VIT: variants seen among roughly 807,000 people sequenced by gnomAD.
VIT encodes vitrin.
Under a neutral mutation model 78.0 loss-of-function variants are expected in VIT, and 99 were observed. That is an observed-to-expected ratio of 1.27 (90% CI 1.08 to 1.50). VIT has a LOEUF of 1.50. Ranked by LOEUF, VIT falls within the 40% of genes most tolerant of loss-of-function variation. VIT has a pLI of 0.00. For missense variants in VIT, 1,126 were observed against 875.3 expected, an observed-to-expected ratio of 1.29 and a Z score of -3.61; for synonymous variants, 374 against 334.3, an observed-to-expected ratio of 1.12 and a Z score of -1.29.
At chr2:36,813,708 C>A (rs1030504289) in intron 15 of VIT, among the ~76,000 whole-genome samples, 9 of 152,120 alleles carry the variant, frequency 5.9e-5, no homozygotes, top group African/African-American at 2.2e-4. Flanking sequence ...TTTAAAAGAT[C>A]TTGAACCAGC....
chr2:36,785,571 G>C (rs1283607703), intron 11 of VIT, among the ~76,000 whole-genome samples: 1 of 152,090 alleles, frequency 6.6e-6, no homozygotes, highest in Non-Finnish European at 1.5e-5. Context: ...ATCATGCTTG[G>C]GTATAGGCAG....
intron 1 of VIT, among the ~76,000 whole-genome samples, chr2:36,710,989 A>G (rs543490540): frequency 6.6e-6 from 1 of 152,340 alleles, no homozygotes; most frequent in Non-Finnish European, 1.5e-5. Flanking sequence ...GATACTACCA[A>G]ACTGTTTTCC....
intron 9 of VIT, among the ~76,000 whole-genome samples, chr2:36,776,265 T>C (rs968792715): frequency 6.6e-6 from 1 of 152,186 alleles, no homozygotes; most frequent in Non-Finnish European, 1.5e-5. Flanking sequence ...TTCTGTGACA[T>C]CTTCCCTTCT....
chr2:36,774,443 T>C, intron 8 of VIT: 7 of 955,988 alleles, frequency 7.3e-6, no homozygotes, highest in Non-Finnish European at 7.5e-6. Flanking sequence ...CCACAAACTC[T>C]ACTCACAGCC....
Position 36,787,158 on chromosome 2 carries a change from G to A in VIT, c.940G>A (p.Asp314Asn). The A allele has an allele frequency of 6.2e-7, 1 of 1,610,834 alleles. No individual in the cohort carries two copies. Among genetic ancestry groups the A allele is most frequent in the Non-Finnish European group, 8.5e-7 (1 of 1,178,404 alleles). Reference protein sequence around the residue: ...NCKIDLSFLIDGSTSIGKRRF... With the variant: ...NCKIDLSFLINGSTSIGKRRF... ...CAAAATTGACTTGTCGTTTTTAATT[G>A]ATGGGAGCACCAGCATTGGCAAACG... The change falls in exon 12 of 16, where the codon GAT becomes AAT. Residue 314 changes from aspartate to asparagine, a missense_variant. Physicochemically the swap from Asp to Asn is conservative, Grantham distance 23. Coordinates refer to ENST00000379242, the MANE Select transcript of VIT (RefSeq NM_053276.4).
At chr2:36,724,403 A>G (rs1040162040) in intron 2 of VIT, among the ~76,000 whole-genome samples, 3 of 152,142 alleles carry the variant, frequency 2.0e-5, no homozygotes, top group African/African-American at 7.2e-5. Flanking sequence ...GCGGCTTTGC[A>G]CTTTGAAGTG....
rs749922879 is a variant in VIT at position 36,767,199 on chromosome 2, C to A, written c.593C>A (p.Thr198Asn). 1.9e-6 allele frequency: 3 copies of A among 1,609,958 alleles called. No homozygotes were observed. Among genetic ancestry groups the A allele is most frequent in the Non-Finnish European group, 2.5e-6 (3 of 1,178,410 alleles). ...GTCACTGTAGCTGTGGCCACCCCCA[C>A]CACCTTGCCAAGGCCATCCCCTTCT... ...LAVTVAVATP[T>N]TLPRPSPSAA... Residue 198 changes from threonine to asparagine, a missense_variant, in exon 7 of 16, where the codon ACC (threonine) becomes AAC (asparagine). Thr to Asn is a moderately conservative substitution (Grantham distance 65). Coordinates refer to ENST00000379242, the MANE Select transcript of VIT (RefSeq NM_053276.4).
chr2:36,808,867 C>G lies in VIT; in HGVS notation c.1785C>G (p.Phe595Leu), dbSNP rs764630861. Residue 595 changes from phenylalanine (F) to leucine (L), a missense_variant, in exon 15 of 16, where the codon TTC becomes TTG. By Grantham distance (22) the Phe-to-Leu change is conservative. Transcript: ENST00000379242. ...GGTSTGAAINFALEQLFKKSK... is the reference protein window; with the variant it reads ...GGTSTGAAINLALEQLFKKSK... ...CCAGCACGGGGGCTGCCATCAACTTCGCCCTGGAGCAGCTCTTCAAGAAGT... is the reference window on the plus strand; with the variant it reads ...CCAGCACGGGGGCTGCCATCAACTTGGCCCTGGAGCAGCTCTTCAAGAAGT... 6.2e-7 allele frequency: 1 copy of G among 1,614,184 alleles called. No individual in the cohort carries two copies. The highest frequency in any genetic ancestry group is 1.7e-5 in the Admixed American group (1 of 60,026).
intron 11 of VIT, 88 bp downstream of exon 11, chr2:36,783,490 G>A (rs371032439): frequency 4.4e-5 from 57 of 1,296,340 alleles, no homozygotes; most frequent in East Asian, 3.9e-4. Flanking sequence ...ACTCAAACCT[G>A]CCTCTCTCCT....
intron 7 of VIT, among the ~76,000 whole-genome samples, chr2:36,769,600 T>C (rs1669630252): frequency 6.6e-6 from 1 of 152,200 alleles, no homozygotes; most frequent in Non-Finnish European, 1.5e-5. Context: ...TTGTATTGCC[T>C]ATTCAAAGGA....
intron 2 of VIT, among the ~76,000 whole-genome samples, chr2:36,717,081 T>C (rs192071961): frequency 0.011 from 1,678 of 152,038 alleles, 32 homozygotes; most frequent in African/African-American, 0.039. Flanking sequence ...TTCACCATGC[T>C]GGCCAGGCTG....
At position 36,776,906 on chromosome 2, in the gene VIT, G is replaced by A. The variant is rs545065612; in HGVS notation, c.802+1839G>A. Reference sequence around the variant, plus strand: ...AGATCGAGACCATCCCGGCTAACACGGTGAAACTCCGTCTCTACTAAAAAC... The same window carrying A: ...AGATCGAGACCATCCCGGCTAACACAGTGAAACTCCGTCTCTACTAAAAAC... On this transcript the variant is annotated intron_variant, in intron 9 of 15. Coordinates refer to ENST00000379242, the MANE Select transcript of VIT (RefSeq NM_053276.4). 3.5e-4 allele frequency among the ~76,000 whole-genome samples: 53 copies of A among 151,086 alleles called. 1 individual carries two copies. The highest frequency in any genetic ancestry group is 1.5e-3 in the South Asian group (7 of 4,712).
At chr2:36,805,093 A>G (rs542790027) in intron 13 of VIT, among the ~76,000 whole-genome samples, 1 of 152,190 alleles carries the variant, frequency 6.6e-6, no homozygotes, top group Admixed American at 6.5e-5. Context: ...ACTTGAGCCC[A>G]TGAGTTTGAG....
At chr2:36,770,715 C>G (rs1457212979) in intron 7 of VIT, among the ~76,000 whole-genome samples, 1 of 152,206 alleles carries the variant, frequency 6.6e-6, no homozygotes, top group African/African-American at 2.4e-5. Context: ...GAAAATCCCT[C>G]CAGGTTCAGC....
At chr2:36,710,024 C>T (rs1046337417) in intron 1 of VIT, among the ~76,000 whole-genome samples, 18 of 152,118 alleles carry the variant, frequency 1.2e-4, no homozygotes, top group Non-Finnish European at 2.4e-4. Flanking sequence ...TAGGAGACTG[C>T]TGCAGCTTCC....
In VIT at chr2:36,731,566, A is replaced by G. The variant is rs375709816; in HGVS notation, c.118+2075A>G. On this transcript the variant is annotated intron_variant, in intron 3 of 15. Transcript: ENST00000379242. ...GGGATTACAGGCGTGAGCCACCGCAACCGGCCATGTCTTGATTTTAAACAT... is the reference window on the plus strand; with the variant it reads ...GGGATTACAGGCGTGAGCCACCGCAGCCGGCCATGTCTTGATTTTAAACAT... Among the ~76,000 whole-genome samples the G allele has an allele frequency of 3.0e-4, 45 of 152,266 alleles. No homozygotes were observed. In the South Asian group the frequency reaches 5.4e-3, roughly 18 times the overall value.
At chr2:36,769,628 A>G (rs1669631114) in intron 7 of VIT, among the ~76,000 whole-genome samples, 1 of 152,226 alleles carries the variant, frequency 6.6e-6, no homozygotes, top group African/African-American at 2.4e-5. Flanking sequence ...AAGGCCTAAA[A>G]AGAAGTGAAA....
chr2:36,800,688 G>A (rs2148664265), intron 12 of VIT, among the ~76,000 whole-genome samples: 1 of 152,252 alleles, frequency 6.6e-6, no homozygotes, highest in Admixed American at 6.5e-5. Flanking sequence ...TGTAGAGAGG[G>A]ATTCTTACTG....
chr2:36,781,684 G>T (rs566200696), intron 9 of VIT, 43 bp from the exon 10 acceptor site: 1 of 1,606,502 alleles, frequency 6.2e-7, no homozygotes, highest in South Asian at 1.1e-5. Flanking sequence ...CTGCTGGTTT[G>T]GTTTAAGTAA....
Sources: gnomAD v4.1 joint callset for allele counts (sites outside exome capture counted in the v4.1 genomes callset) on GRCh38, gnomAD v4.1.1 for gene constraint, MANE v1.5 for transcripts, NCBI Gene and HGNC (gene_info 2026-07-23, HGNC 2026-07-21) for gene names.